Variants in NMI observed in about 807,000 individuals in gnomAD.
NMI encodes N-myc-interactor.
Under a neutral mutation model 34.3 loss-of-function variants are expected in NMI, and 39 were observed. The ratio of observed to expected loss-of-function variants is 1.14; its 90% CI spans 0.88 to 1.49. The LOEUF (loss-of-function observed/expected upper bound fraction) is 1.49. Ranked by LOEUF, NMI falls within the 40% of genes most tolerant of loss-of-function variation. NMI has a pLI of 0.00. For missense variants in NMI, 339 were observed against 358.1 expected (o/e 0.95, Z 0.43); for synonymous variants, 113 against 120.3 (o/e 0.94, Z 0.40).
In NMI at chr2:151,278,968, G is replaced by A; in HGVS notation, c.200C>T (p.Thr67Ile). Reference protein sequence around the residue: ...EFQIKEDIPETKMKFLSVETP... With the variant: ...EFQIKEDIPEIKMKFLSVETP... ...TTCAACTGATAAGAATTTCATCTTTGTTTCAGGAATATCCTCTTTAATCTA... is the reference window on the plus strand; with the variant it reads ...TTCAACTGATAAGAATTTCATCTTTATTTCAGGAATATCCTCTTTAATCTA... Residue 67 changes from threonine (T) to isoleucine (I), a missense_variant, in exon 4 of 8, where the codon ACA (threonine) becomes ATA (isoleucine). Coordinates refer to ENST00000243346, the MANE Select transcript of NMI (RefSeq NM_004688.3). 1 of 1,607,138 alleles carries A rather than the reference G, an allele frequency of 6.2e-7. No individual in the cohort carries two copies. Among genetic ancestry groups the A allele is most frequent in the Non-Finnish European group, 8.5e-7 (1 of 1,174,538 alleles).
rs1683337990 is a variant in NMI, at chr2:151,278,949, T to C, written c.219A>G (p.Ser73=). 6.2e-7 allele frequency: 1 copy of C among 1,610,670 alleles called. No individual in the cohort carries two copies. The highest frequency in any genetic ancestry group is 8.5e-7 in the Non-Finnish European group (1 of 1,177,250). ...DIPETKMKFL[S]VETPENDSQL... Reference sequence around the variant, plus strand: ...GGCTGTCATTCTCAGGAGTTTCAACTGATAAGAATTTCATCTTTGTTTCAG... The same window carrying C: ...GGCTGTCATTCTCAGGAGTTTCAACCGATAAGAATTTCATCTTTGTTTCAG... Residue 73 remains serine, a synonymous_variant, in exon 4 of 8, where the codon TCA becomes TCG. Transcript: ENST00000243346.
rs574583362 is a variant in NMI, at chr2:151,280,055, C to T, written c.178-1065G>A. On this transcript the variant is annotated intron_variant, in intron 3 of 7. Coordinates refer to ENST00000243346, the MANE Select transcript of NMI (RefSeq NM_004688.3). ...ACTAAAAATACAAAAATTAGCTGGGCGTGGTGGCAAACGCCTGTAATCCTG... is the reference window on the plus strand; with the variant it reads ...ACTAAAAATACAAAAATTAGCTGGGTGTGGTGGCAAACGCCTGTAATCCTG... Among the ~76,000 whole-genome samples the T allele has an allele frequency of 4.6e-5, 7 of 152,050 alleles. 1 individual carries two copies. The highest frequency in any genetic ancestry group is 2.0e-4 in the Admixed American group (3 of 15,270).
intron 1 of NMI, among the ~76,000 whole-genome samples, chr2:151,288,120 C>G (rs916057262): frequency 6.6e-6 from 1 of 152,094 alleles, no homozygotes; most frequent in African/African-American, 2.4e-5. Flanking sequence ...ATGTAGTAGG[C>G]AAAACAATGG....
intron 1 of NMI, among the ~76,000 whole-genome samples, chr2:151,285,124 G>C (rs1683471664): frequency 6.6e-6 from 1 of 152,158 alleles, no homozygotes; most frequent in African/African-American, 2.4e-5. Context: ...CATACAATAT[G>C]ATGGGAGTAT....
intron 1 of NMI, among the ~76,000 whole-genome samples, chr2:151,288,349 C>T (rs1243312095): frequency 6.6e-6 from 1 of 152,106 alleles, no homozygotes; most frequent in East Asian, 1.9e-4. Flanking sequence ...TGAAATGTGA[C>T]CCCGGAAGAA....
chr2:151,282,632 G>C (rs1370956257), intron 2 of NMI: 2 of 293,450 alleles, frequency 6.8e-6, no homozygotes, highest in African/African-American at 4.4e-5. Flanking sequence ...GCAAATCCAA[G>C]AAATGAGGGT....
chr2:151,289,252 C>CAAAAAAA (rs5835358), intron 1 of NMI, among the ~76,000 whole-genome samples: 1 of 74,278 alleles, frequency 1.3e-5, no homozygotes, highest in Non-Finnish European at 2.6e-5. Flanking sequence ...GACTCCGTCT[C>CAAAAAAA]AAAAAAAAAA....
chr2:151,273,768 C>T (rs748470021), intron 6 of NMI, among the ~76,000 whole-genome samples: 1 of 152,054 alleles, frequency 6.6e-6, no homozygotes, highest in Non-Finnish European at 1.5e-5. Flanking sequence ...GTGATCCACC[C>T]GCCTCCGCCT....
At chr2:151,276,594 T>C (rs772844683) in intron 4 of NMI, among the ~76,000 whole-genome samples, 42 of 152,202 alleles carry the variant, frequency 2.8e-4, no homozygotes, top group South Asian at 6.2e-4. Flanking sequence ...GTGTCCCATG[T>C]TCAGTAAGCT....
At chr2:151,273,755 C>G (rs536221500) in intron 6 of NMI, among the ~76,000 whole-genome samples, 62 of 152,228 alleles carry the variant, frequency 4.1e-4, no homozygotes, top group Non-Finnish European at 7.9e-4. Flanking sequence ...CTCCTGGCCT[C>G]AAGTGATCCA....
At position 151,275,761 on chromosome 2, in the gene NMI, G is replaced by T. The variant is rs145519832; in HGVS notation, c.444C>A (p.Phe148Leu). 7.9e-5 allele frequency: 128 copies of T among 1,612,126 alleles called. No homozygotes were observed. The African/African-American group carries it at 1.4e-3, about 18-fold the overall frequency. Residue 148 changes from phenylalanine (F) to leucine (L), a missense_variant, in exon 5 of 8, where the codon TTC becomes TTA. By Grantham distance (22) the Phe-to-Leu change is conservative. Coordinates refer to ENST00000243346, the MANE Select transcript of NMI (RefSeq NM_004688.3). ...AAAATTTTAATCATCCTGTTACCTG[G>T]AATCTGACTCCTGAATTTAATGGAA... The part of the protein sequence containing the change: ...KPVPLNSGVR[F>L]QVYVEVSKMK...
At chr2:151,282,725 T>C (rs1036999065) in intron 2 of NMI, 143 bp downstream of exon 2, 19 of 468,644 alleles carry the variant, frequency 4.1e-5, no homozygotes, top group Admixed American at 2.1e-4. Flanking sequence ...TTAAATAACA[T>C]AATGGAAGTT....
chr2:151,283,385 C>T (rs1051497763), intron 1 of NMI, among the ~76,000 whole-genome samples: 24 of 152,188 alleles, frequency 1.6e-4, no homozygotes, highest in African/African-American at 5.8e-4. Flanking sequence ...GTGATGCACC[C>T]CCCTCGGCCT....
intron 2 of NMI, 166 bp downstream of exon 2, chr2:151,282,702 C>T (rs919770628): frequency 4.7e-6 from 2 of 421,280 alleles, no homozygotes; most frequent in African/African-American, 4.1e-5. Context: ...AAATATGACA[C>T]TTCTTGTAAG....
At chr2:151,272,833 GA>G (rs1683211525) in intron 6 of NMI, among the ~76,000 whole-genome samples, 1 of 152,088 alleles carries the variant, frequency 6.6e-6, no homozygotes, top group Non-Finnish European at 1.5e-5. Flanking sequence ...AGACAGACAG[GA>G]AAAGGACAAA....
Position 151,271,534 on chromosome 2 carries a change from A to T in NMI, c.741+92T>A, listed in dbSNP as rs1683186522. The T allele has an allele frequency of 1.8e-5, 13 of 741,852 alleles. No homozygotes were observed. In the South Asian group the frequency reaches 2.0e-4, roughly 12 times the overall value. The allele number at this position is 741,852 out of a possible 1,614,324, so 46.0% of individuals were successfully genotyped here. A position where few individuals can be genotyped will look rare whatever the true frequency, so the allele number is the denominator to read the frequency against. On this transcript the variant is annotated intron_variant, in intron 7 of 7. Coordinates refer to ENST00000243346, the MANE Select transcript of NMI (RefSeq NM_004688.3). Reference sequence around the variant, plus strand: ...CATTTTGCTATCCCTCATTGATAAGATGCATAAGTAACAGACTCACAACAA... The same window carrying T: ...CATTTTGCTATCCCTCATTGATAAGTTGCATAAGTAACAGACTCACAACAA...
At chr2:151,289,177 C>T (rs1683569042) in intron 1 of NMI, 2 of 147,218 alleles carry the variant, frequency 1.4e-5, no homozygotes, top group Admixed American at 6.8e-5. Context: ...GGCGTGAACC[C>T]GGGAGGCGGA....
In NMI at chr2:151,270,882, A is replaced by G. The variant is rs770701791; in HGVS notation, c.742-7T>C. On this transcript the variant is annotated splice_region_variant and splice_polypyrimidine_tract_variant and intron_variant, in intron 7 of 7. Coordinates refer to ENST00000243346, the MANE Select transcript of NMI (RefSeq NM_004688.3). ...TAGATGTTCCTGAAAATATCTAAGA[A>G]GGAAAAAATGATAAATAGAAAGATT... The G allele has an allele frequency of 4.4e-6, 7 of 1,600,988 alleles. No individual in the cohort carries two copies. The Admixed American group carries it at 1.0e-4, about 24-fold the overall frequency.
Position 151,270,680 on chromosome 2 carries a change from G to C in NMI, c.*13C>G. On this transcript the variant is annotated 3_prime_UTR_variant, in exon 8 of 8. Coordinates refer to ENST00000243346, the MANE Select transcript of NMI (RefSeq NM_004688.3). ...CGGGTTAAAAAGCTATAGTTTTCAT[G>C]ATTCTGTTAAGTCTATTCTTCAAAG... The C allele has an allele frequency of 6.3e-7, 1 of 1,582,632 alleles. No homozygotes were observed. The highest frequency in any genetic ancestry group is 8.6e-7 in the Non-Finnish European group (1 of 1,162,106).
Sources: gnomAD v4.1 joint callset for allele counts (sites outside exome capture counted in the v4.1 genomes callset) on GRCh38, gnomAD v4.1.1 for gene constraint, MANE v1.5 for transcripts, NCBI Gene and HGNC (gene_info 2026-07-23, HGNC 2026-07-21) for gene names.